The following DNAJC3 variants were observed in gnomAD, a reference collection of about 807,000 sequenced individuals.
The protein encoded by DNAJC3 is dnaJ homolog subfamily C member 3.
A neutral mutation model predicts 68.6 loss-of-function variants in DNAJC3; 38 were observed. The observed-to-expected ratio is 0.55, with a 90% CI of 0.43 to 0.73. DNAJC3 has a LOEUF of 0.73. Among genes scored for constraint, DNAJC3 ranks in the 30% least tolerant of loss-of-function variants. The pLI, the probability that DNAJC3 is intolerant of heterozygous loss-of-function variation, is 0.00. For missense variants in DNAJC3, 526 were observed against 591.9 expected, an observed-to-expected ratio of 0.89 and a Z score of 1.16; for synonymous variants, 203 against 204.0, an observed-to-expected ratio of 1.00 and a Z score of 0.04.
At chr13:95,707,351 C>T (rs1431721323) in intron 1 of DNAJC3, among the ~76,000 whole-genome samples, 3 of 152,122 alleles carry the variant, frequency 2.0e-5, no homozygotes, top group African/African-American at 4.8e-5. Context: ...GAACCCACCC[C>T]ACATCAAAGT....
intron 4 of DNAJC3, among the ~76,000 whole-genome samples, chr13:95,752,138 T>C (rs1882499280): frequency 6.6e-6 from 1 of 152,198 alleles, no homozygotes; most frequent in Admixed American, 6.5e-5. Context: ...GAGCTCATCC[T>C]CTGTGTCCGT....
intron 4 of DNAJC3, chr13:95,742,899 T>G (rs753727660): frequency 2.0e-6 from 1 of 488,822 alleles, no homozygotes; most frequent in African/African-American, 2.0e-5. Context: ...TCTAAAAGTT[T>G]TATGGTTTTG....
At chr13:95,713,702 C>G (rs1314603549) in intron 2 of DNAJC3, among the ~76,000 whole-genome samples, 1 of 152,320 alleles carries the variant, frequency 6.6e-6, no homozygotes, top group East Asian at 1.9e-4. Context: ...TTAAGACAAC[C>G]CAAGCCAGCT....
chr13:95,698,511 G>T (rs1880507350), intron 1 of DNAJC3, among the ~76,000 whole-genome samples: 1 of 152,228 alleles, frequency 6.6e-6, no homozygotes, highest in South Asian at 2.1e-4. Flanking sequence ...TTAGGGAGCT[G>T]CACTGGCTTC....
chr13:95,720,047 T>C (rs1377881507), intron 2 of DNAJC3, among the ~76,000 whole-genome samples: 1 of 152,172 alleles, frequency 6.6e-6, no homozygotes, highest in Non-Finnish European at 1.5e-5. Flanking sequence ...GGTGGTTGAA[T>C]CTACAGATGT....
intron 1 of DNAJC3, among the ~76,000 whole-genome samples, chr13:95,702,808 A>G (rs1338278247): frequency 1.3e-5 from 2 of 152,244 alleles, no homozygotes; most frequent in Admixed American, 6.5e-5. Flanking sequence ...AGATACAGCT[A>G]TCCTTGCAGG....
chr13:95,771,803 A>G, intron 9 of DNAJC3, among the ~76,000 whole-genome samples: 1 of 100,816 alleles, frequency 9.9e-6, no homozygotes, highest in East Asian at 3.0e-4. Context: ...CCACCCCCCC[A>G]CAGGCAACTC....
chr13:95,682,508 C>G (rs775449263), intron 1 of DNAJC3, among the ~76,000 whole-genome samples: 15 of 152,124 alleles, frequency 9.9e-5, no homozygotes, highest in Non-Finnish European at 1.9e-4. Context: ...TTTCTGCTCT[C>G]CAAAATATAA....
chr13:95,761,736 A>G (rs909197631), intron 7 of DNAJC3, among the ~76,000 whole-genome samples: 1 of 151,774 alleles, frequency 6.6e-6, no homozygotes, highest in Admixed American at 6.6e-5. Flanking sequence ...TGTTACATAA[A>G]TAGAATCATA....
At chr13:95,699,804 C>G (rs1773442836) in intron 1 of DNAJC3, among the ~76,000 whole-genome samples, 1 of 152,118 alleles carries the variant, frequency 6.6e-6, no homozygotes, top group Non-Finnish European at 1.5e-5. Flanking sequence ...CATTTCTCCT[C>G]ATAAAGTTTC....
intron 9 of DNAJC3, among the ~76,000 whole-genome samples, chr13:95,782,253 G>A (rs1216970355): frequency 6.6e-6 from 1 of 152,134 alleles, no homozygotes; most frequent in Non-Finnish European, 1.5e-5. Context: ...GAACAGTGCT[G>A]CAATAAACAT....
intron 4 of DNAJC3, among the ~76,000 whole-genome samples, chr13:95,753,560 T>G (rs1882553910): frequency 6.6e-6 from 1 of 152,220 alleles, no homozygotes; most frequent in Non-Finnish European, 1.5e-5. Context: ...ATTAATTTCT[T>G]GAGGAATTAG....
At chr13:95,759,910 A>G (rs1566503521) in intron 5 of DNAJC3, 130 bp from the exon 6 acceptor site, 1 of 832,740 alleles carries the variant, frequency 1.2e-6, no homozygotes, top group South Asian at 4.0e-5. Context: ...TAATATTTGC[A>G]CTATATAAGT....
intron 4 of DNAJC3, among the ~76,000 whole-genome samples, chr13:95,728,158 C>T (rs1385752955): frequency 6.6e-6 from 1 of 152,080 alleles, no homozygotes; most frequent in East Asian, 1.9e-4. Flanking sequence ...ATAAAGCTGC[C>T]GTGAACATTC....
chr13:95,706,110 T>C (rs1728034329), intron 1 of DNAJC3, among the ~76,000 whole-genome samples: 1 of 152,254 alleles, frequency 6.6e-6, no homozygotes. Context: ...ACTTCCAGTT[T>C]TGTGAGTTAA....
chr13:95,727,644 T>C (rs1881574714), intron 4 of DNAJC3, among the ~76,000 whole-genome samples: 1 of 152,330 alleles, frequency 6.6e-6, no homozygotes, highest in East Asian at 1.9e-4. Context: ...GAAAATTGTT[T>C]TTGTACCTAT....
intron 4 of DNAJC3, among the ~76,000 whole-genome samples, chr13:95,749,747 A>G (rs1279720841): frequency 1.3e-5 from 2 of 151,728 alleles, no homozygotes; most frequent in African/African-American, 4.8e-5. Flanking sequence ...ATAAAGTGCT[A>G]TCTTTAAAAC....
intron 1 of DNAJC3, chr13:95,693,490 C>G (rs947455997): frequency 2.6e-5 from 4 of 152,108 alleles, no homozygotes; most frequent in African/African-American, 9.7e-5. Context: ...CAATTAAACA[C>G]CTAATAATAG....
chr13:95,686,103 A>C (rs1880068352), intron 1 of DNAJC3, among the ~76,000 whole-genome samples: 1 of 152,110 alleles, frequency 6.6e-6, no homozygotes, highest in Admixed American at 6.5e-5. Context: ...CTGGGACTAC[A>C]GGTGCCTGCC....
Sources: gnomAD v4.1 joint callset for allele counts (sites outside exome capture counted in the v4.1 genomes callset) on GRCh38, gnomAD v4.1.1 for gene constraint, MANE v1.5 for transcripts, NCBI Gene and HGNC (gene_info 2026-07-23, HGNC 2026-07-21) for gene names.